The following AK8 variants were observed in gnomAD, a reference collection of about 807,000 sequenced individuals.
AK8 encodes the protein adenylate kinase 8.
Under a neutral mutation model 54.6 loss-of-function variants are expected in AK8, and 44 were observed. That is an observed-to-expected ratio of 0.81 (90% confidence interval 0.63 to 1.04). The LOEUF (loss-of-function observed/expected upper bound fraction) is 1.04. AK8 is among the 50% of genes least tolerant of loss of function. The pLI, the probability that AK8 is intolerant of heterozygous loss-of-function variation, is 0.00. For missense variants in AK8, 555 were observed against 613.6 expected, an observed-to-expected ratio of 0.90 and a Z score of 1.01; for synonymous variants, 239 against 245.6, an observed-to-expected ratio of 0.97 and a Z score of 0.25.
At chr9:132,792,536 C>T (rs1026130369) in intron 11 of AK8, 98 bp downstream of exon 11, 27 of 1,432,478 alleles carry the variant, frequency 1.9e-5, no homozygotes, top group South Asian at 1.0e-4. Flanking sequence ...TTCAGGAACA[C>T]GTGAAGGCTT....
At chr9:132,743,607 T>C (rs1448967078) in intron 11 of AK8, among the ~76,000 whole-genome samples, 1 of 152,250 alleles carries the variant, frequency 6.6e-6, no homozygotes, top group African/African-American at 2.4e-5. Context: ...TTTCTGCAGC[T>C]GGAGCTTTTC....
intron 11 of AK8, among the ~76,000 whole-genome samples, chr9:132,759,003 G>A (rs1220655069): frequency 6.6e-6 from 1 of 151,726 alleles, no homozygotes; most frequent in Non-Finnish European, 1.5e-5. Flanking sequence ...TTCAAGACCA[G>A]GCTTGGCAAA....
At chr9:132,788,688 G>A (rs1258888150) in intron 11 of AK8, among the ~76,000 whole-genome samples, 3 of 152,222 alleles carry the variant, frequency 2.0e-5, no homozygotes, top group East Asian at 1.9e-4. Context: ...AGAGAAATTC[G>A]AATTGACCAA....
At chr9:132,873,329 A>G (rs952076917) in intron 2 of AK8, among the ~76,000 whole-genome samples, 1 of 152,204 alleles carries the variant, frequency 6.6e-6, no homozygotes, top group Admixed American at 6.5e-5. Context: ...TTAACCAAAC[A>G]CATCCATTTC....
intron 10 of AK8, among the ~76,000 whole-genome samples, chr9:132,807,188 T>TG (rs1056813626): frequency 1.2e-3 from 149 of 126,248 alleles, no homozygotes; most frequent in South Asian, 4.8e-3. Flanking sequence ...TGGGAGATGC[T>TG]GGGGGGGGCG....
intron 11 of AK8, among the ~76,000 whole-genome samples, chr9:132,751,378 CAAAAAAAAA>C (rs1208975942): frequency 8.0e-5 from 4 of 50,220 alleles, no homozygotes; most frequent in Middle Eastern, 0.013. Flanking sequence ...AGTGAGACTC[CAAAAAAAAA>C]AAAAAAAAAC....
intron 11 of AK8, among the ~76,000 whole-genome samples, chr9:132,757,161 C>G (rs1304480742): frequency 2.0e-5 from 3 of 151,844 alleles, no homozygotes; most frequent in Admixed American, 1.3e-4. Flanking sequence ...GCCAGAGTGA[C>G]TGACATTTCA....
chr9:132,799,609 ACAC>A lies in AK8; in HGVS notation c.980-6837_980-6835del, dbSNP rs999490234. Among the ~76,000 whole-genome samples the A allele has an allele frequency of 1.3e-5, 2 of 151,816 alleles. No individual in the cohort carries two copies. Among genetic ancestry groups the A allele is most frequent in the Admixed American group, 6.6e-5 (1 of 15,240 alleles). On this transcript the variant is annotated intron_variant, in intron 10 of 12. Coordinates refer to ENST00000298545, the MANE Select transcript of AK8 (RefSeq NM_152572.3). The surrounding 1 kb of genome is among the most constrained non-coding windows in gnomAD (Gnocchi z 5.0). ...CACTCAGCTACAAACACACACACAC[ACAC>A]ACCACACACCCCCACACCCCTACAC...
intron 11 of AK8, among the ~76,000 whole-genome samples, chr9:132,773,183 G>A (rs1351154712): frequency 6.6e-6 from 1 of 152,178 alleles, no homozygotes; most frequent in East Asian, 1.9e-4. Flanking sequence ...AGAGTTGCCA[G>A]GCACATTCCT....
intron 5 of AK8, among the ~76,000 whole-genome samples, chr9:132,850,054 ATTT>A (rs779350912): frequency 3.9e-5 from 4 of 101,300 alleles, no homozygotes; most frequent in Admixed American, 1.0e-4. Context: ...ACCCTAGTAC[ATTT>A]TTTTTTTTTT....
chr9:132,813,598 T>C (rs1480860656), intron 10 of AK8, among the ~76,000 whole-genome samples: 1 of 152,134 alleles, frequency 6.6e-6, no homozygotes, highest in Non-Finnish European at 1.5e-5. Flanking sequence ...GGGAGGAAGG[T>C]GTGGGTGCGT....
In AK8 at chr9:132,725,591, G is replaced by T; in HGVS notation, c.*97C>A. On this transcript the variant is annotated 3_prime_UTR_variant, in exon 13 of 13. Transcript: ENST00000298545. ...GGACGTACGAGACTGTATCCAGCAG[G>T]CTTTATTGGCTTTTTAGGGGAGCTG... The T allele has an allele frequency of 8.8e-7, 1 of 1,131,660 alleles. No individual in the cohort carries two copies. The allele number at this position is 1,131,660 out of a possible 1,614,324, so 70.1% of individuals were successfully genotyped here. A position where few individuals can be genotyped will look rare whatever the true frequency, so the allele number is the denominator to read the frequency against.
rs553656532 is a variant in AK8 at position 132,790,608 on chromosome 9, A to C, written c.1121+2026T>G. On this transcript the variant is annotated intron_variant, in intron 11 of 12. Transcript: ENST00000298545. This position sits in a 1 kb window ranked among gnomAD's most constrained non-coding sequence, Gnocchi z 4.1. ...TCAAACCAAAAGCCAGTAGCACCTTAATGTCAGCAGTACCAGGACAGCCCT... is the reference window on the plus strand; with the variant it reads ...TCAAACCAAAAGCCAGTAGCACCTTCATGTCAGCAGTACCAGGACAGCCCT... Among the ~76,000 whole-genome samples the C allele has an allele frequency of 6.6e-6, 1 of 152,282 alleles. No individual in the cohort carries two copies. Among genetic ancestry groups the C allele is most frequent in the African/African-American group, 2.4e-5 (1 of 41,570 alleles).
intron 2 of AK8, among the ~76,000 whole-genome samples, chr9:132,870,224 T>G (rs1843756500): frequency 6.6e-6 from 1 of 152,196 alleles, no homozygotes; most frequent in South Asian, 2.1e-4. Flanking sequence ...CCACGGCCTT[T>G]CTCCCCACCT....
intron 5 of AK8, among the ~76,000 whole-genome samples, chr9:132,840,847 C>A (rs550035780): frequency 5.9e-5 from 9 of 151,854 alleles, no homozygotes; most frequent in South Asian, 4.2e-4. Context: ...GAGCCGAGAT[C>A]GCGCCAAAAA....
At chr9:132,866,616 G>A (rs895977388) in intron 3 of AK8, among the ~76,000 whole-genome samples, 1 of 152,198 alleles carries the variant, frequency 6.6e-6, no homozygotes, top group Non-Finnish European at 1.5e-5. Context: ...ATATAGCGAA[G>A]GGTGAGCAAG....
intron 11 of AK8, among the ~76,000 whole-genome samples, chr9:132,779,043 G>A (rs764917413): frequency 6.6e-6 from 1 of 152,132 alleles, no homozygotes; most frequent in East Asian, 1.9e-4. Flanking sequence ...CCAAGCCAAT[G>A]AGTGTCTTTA....
At chr9:132,796,032 T>C (rs1255088154) in intron 10 of AK8, among the ~76,000 whole-genome samples, 1 of 152,208 alleles carries the variant, frequency 6.6e-6, no homozygotes, top group Non-Finnish European at 1.5e-5. Flanking sequence ...GAGCCACAGC[T>C]TTCTGAGGGC....
At position 132,837,581 on chromosome 9, in the gene AK8, A is replaced by G. The variant is rs575487686; in HGVS notation, c.403-8855T>C. ...CTCAGGCCCTGTCCTGCATTTGATCATCTCTTTTTCCTCTTCTACTGCAGT... is the reference window on the plus strand; with the variant it reads ...CTCAGGCCCTGTCCTGCATTTGATCGTCTCTTTTTCCTCTTCTACTGCAGT... On this transcript the variant is annotated intron_variant, in intron 5 of 12. Transcript: ENST00000298545. The surrounding 1 kb of genome is among the most constrained non-coding windows in gnomAD (Gnocchi z 4.3). 3.3e-5 allele frequency among the ~76,000 whole-genome samples: 5 copies of G among 152,254 alleles called. No individual in the cohort carries two copies. Among genetic ancestry groups the G allele is most frequent in the African/African-American group, 1.2e-4 (5 of 41,552 alleles).
Sources: gnomAD v4.1 joint callset for allele counts (sites outside exome capture counted in the v4.1 genomes callset) on GRCh38, gnomAD v4.1.1 for gene constraint, Gnocchi (gnomAD v3.1) non-coding constraint, MANE v1.5 for transcripts, NCBI Gene and HGNC (gene_info 2026-07-23, HGNC 2026-07-21) for gene names.